VTA1: variants seen among roughly 807,000 people sequenced by gnomAD.
VTA1 encodes vesicle trafficking 1, also known as vacuolar protein sorting-associated protein VTA1 homolog.
VTA1 carries 24 observed loss-of-function variants against 36.9 expected under a neutral mutation model. That is an observed-to-expected ratio of 0.65 (90% CI 0.47 to 0.91). VTA1 has a LOEUF of 0.91. VTA1 is among the 40% of genes least tolerant of loss of function. The pLI is 0.00. For missense variants in VTA1, 393 were observed against 377.2 expected (o/e 1.04, Z -0.35); for synonymous variants, 142 against 130.2 (o/e 1.09, Z -0.62).
Position 142,170,440 on chromosome 6 carries a change from T to C in VTA1, c.411+19T>C. The C allele has an allele frequency of 6.6e-7, 1 of 1,509,606 alleles. No individual in the cohort carries two copies. The highest frequency in any genetic ancestry group is 1.4e-5 in the African/African-American group (1 of 72,048). 93.5% of individuals were successfully genotyped at this position (1,509,606 alleles called of 1,614,324 possible). A position where few individuals can be genotyped will look rare whatever the true frequency, so the allele number is the denominator to read the frequency against. ...TGATGAAGTGAGTGTACATTCTTTA[T>C]TGTCTTATTAGCTGAAGATCAGTAA... is the stretch of plus-strand genomic sequence containing the variant. On this transcript the variant is annotated intron_variant, in intron 4 of 7. Transcript: ENST00000367630.
At chr6:142,165,315 T>C (rs1450014103) in intron 1 of VTA1, among the ~76,000 whole-genome samples, 2 of 152,178 alleles carry the variant, frequency 1.3e-5, no homozygotes, top group Admixed American at 6.5e-5. Context: ...ACCGTAGGTC[T>C]CAAAATGAAA....
chr6:142,194,397 T>C (rs538701698), intron 5 of VTA1, among the ~76,000 whole-genome samples: 1 of 152,104 alleles, frequency 6.6e-6, no homozygotes, highest in Admixed American at 6.5e-5. Context: ...GAACATAATG[T>C]ATCTTTCCAT....
chr6:142,196,467 CCT>C (rs1186951332), intron 5 of VTA1, among the ~76,000 whole-genome samples: 1 of 152,082 alleles, frequency 6.6e-6, no homozygotes, highest in African/African-American at 2.4e-5. Flanking sequence ...TCTCTCAACC[CCT>C]GTGTGAGAAA....
intron 2 of VTA1, 36 bp downstream of exon 2, chr6:142,166,358 G>T: frequency 6.9e-7 from 1 of 1,439,772 alleles, no homozygotes; most frequent in East Asian, 2.3e-5. Flanking sequence ...TTCTGGTTAT[G>T]GTTAAAATAC....
intron 4 of VTA1, among the ~76,000 whole-genome samples, chr6:142,187,158 C>T (rs754210945): frequency 6.6e-6 from 1 of 152,098 alleles, no homozygotes. Context: ...TTATTGATTG[C>T]GCCCACTATT....
intron 1 of VTA1, among the ~76,000 whole-genome samples, chr6:142,162,522 G>A (rs1774830576): frequency 6.6e-6 from 1 of 152,154 alleles, no homozygotes; most frequent in Non-Finnish European, 1.5e-5. Context: ...TAAGTTGGTT[G>A]TCTTCGAGAT....
At chr6:142,156,455 C>T (rs1778663920) in intron 1 of VTA1, among the ~76,000 whole-genome samples, 1 of 152,106 alleles carries the variant, frequency 6.6e-6, no homozygotes, top group African/African-American at 2.4e-5. Flanking sequence ...CTTTATTTTT[C>T]TTTAATGAAG....
chr6:142,198,039 G>T (rs925846125), intron 5 of VTA1, among the ~76,000 whole-genome samples: 6 of 151,100 alleles, frequency 4.0e-5, no homozygotes, highest in Non-Finnish European at 5.9e-5. Context: ...AGAGCTTGCC[G>T]TGAGCTGAGA....
intron 3 of VTA1, 130 bp downstream of exon 3, chr6:142,169,807 C>A (rs556073109): frequency 2.4e-6 from 2 of 824,556 alleles, no homozygotes; most frequent in South Asian, 2.9e-5. Context: ...AATTATCAAA[C>A]CTCACGGTGA....
intron 1 of VTA1, among the ~76,000 whole-genome samples, 159 bp downstream of exon 1, chr6:142,147,558 G>T (rs1778473725): frequency 6.6e-6 from 1 of 152,144 alleles, no homozygotes; most frequent in South Asian, 2.1e-4. Flanking sequence ...CCACCCCCTG[G>T]CAGTAGGAAT....
rs1562273870 is a variant in VTA1 at position 142,220,313 on chromosome 6, C to T, written c.*1670C>T. The stretch of plus-strand genomic sequence containing the variant: ...GATGTTCAGCAAATTTTAATTCAAA[C>T]CTTGATATGCCTGGACACTGAAAAG... On this transcript the variant is annotated 3_prime_UTR_variant, in exon 8 of 8. Coordinates refer to ENST00000367630, the MANE Select transcript of VTA1 (RefSeq NM_016485.5). The T allele has an allele frequency of 6.6e-6, 1 of 152,166 alleles. No individual in the cohort carries two copies. The highest frequency in any genetic ancestry group is 1.5e-5 in the Non-Finnish European group (1 of 68,034). The allele number at this position is 152,166 out of a possible 1,614,324, so 9.4% of individuals were successfully genotyped here.
intron 5 of VTA1, 75 bp downstream of exon 5, chr6:142,189,609 G>A (rs1371883053): frequency 8.4e-7 from 1 of 1,193,282 alleles, no homozygotes; most frequent in African/African-American, 1.5e-5. Context: ...AAAGTTTTTG[G>A]AGGGAACAAT....
chr6:142,200,483 G>A (rs1393977537), intron 6 of VTA1, among the ~76,000 whole-genome samples: 2 of 151,790 alleles, frequency 1.3e-5, no homozygotes, highest in Non-Finnish European at 2.9e-5. Flanking sequence ...GCAGAGTTGT[G>A]GTATAGGCAC....
intron 1 of VTA1, among the ~76,000 whole-genome samples, chr6:142,161,491 T>G (rs1774808001): frequency 6.6e-6 from 1 of 152,168 alleles, no homozygotes; most frequent in Admixed American, 6.5e-5. Context: ...TCAGAATTAG[T>G]AAATGTTTGT....
intron 4 of VTA1, among the ~76,000 whole-genome samples, chr6:142,175,800 C>G (rs1775111271): frequency 6.6e-6 from 1 of 151,676 alleles, no homozygotes; most frequent in South Asian, 2.1e-4. Flanking sequence ...AATTTCATGT[C>G]ATTACTCACT....
chr6:142,207,365 G>C (rs1264136780), intron 7 of VTA1, among the ~76,000 whole-genome samples: 1 of 151,898 alleles, frequency 6.6e-6, no homozygotes, highest in Non-Finnish European at 1.5e-5. Context: ...TATCACTGAA[G>C]ACCAGCAGAG....
At chr6:142,194,003 C>T (rs914521549) in intron 5 of VTA1, among the ~76,000 whole-genome samples, 11 of 152,040 alleles carry the variant, frequency 7.2e-5, no homozygotes, top group South Asian at 4.1e-4. Flanking sequence ...ATTTGCTTCT[C>T]AGAGAATGGG....
rs1459492778 is a variant in VTA1, at chr6:142,220,441, T to TG, written c.*1801dup. On this transcript the variant is annotated 3_prime_UTR_variant, in exon 8 of 8. Coordinates refer to ENST00000367630, the MANE Select transcript of VTA1 (RefSeq NM_016485.5). ...TAGAAACTACGGAGTCCGCTGGTAG[T>TG]GGGCTGCATGGTGTGACAGAGCCCT... The TG allele has an allele frequency of 6.6e-6, 1 of 152,168 alleles. No individual in the cohort carries two copies. The highest frequency in any genetic ancestry group is 2.4e-5 in the African/African-American group (1 of 41,430). 9.4% of individuals were successfully genotyped at this position (152,168 alleles called of 1,614,324 possible).
chr6:142,205,917 GA>G (rs1159616064), intron 7 of VTA1, among the ~76,000 whole-genome samples: 2 of 152,092 alleles, frequency 1.3e-5, no homozygotes, highest in Admixed American at 1.3e-4. Context: ...GAATATAAAA[GA>G]AAAGGATTTC....
Sources: gnomAD v4.1 joint callset for allele counts (sites outside exome capture counted in the v4.1 genomes callset) on GRCh38, gnomAD v4.1.1 for gene constraint, MANE v1.5 for transcripts, NCBI Gene and HGNC (gene_info 2026-07-23, HGNC 2026-07-21) for gene names.